The following TRAK1 variants were observed in gnomAD, a reference collection of about 807,000 sequenced individuals.
The protein encoded by TRAK1 is trafficking kinesin-binding protein 1.
In TRAK1, 33 loss-of-function variants were observed where a neutral mutation model predicts 92.1. The ratio of observed to expected loss-of-function variants is 0.36; its 90% CI spans 0.27 to 0.48. The LOEUF (loss-of-function observed/expected upper bound fraction) is 0.48, where lower values mean the gene tolerates loss of function less well. TRAK1 is among the 20% of genes least tolerant of loss of function. The pLI is 0.99. For synonymous variants in TRAK1, 521 were observed against 517.3 expected, an observed-to-expected ratio of 1.01 and a Z score of -0.10; for missense variants, 1,123 against 1,257.9, an observed-to-expected ratio of 0.89 and a Z score of 1.62.
intron 1 of TRAK1, among the ~76,000 whole-genome samples, chr3:42,067,374 C>T (rs548847643): frequency 3.3e-5 from 5 of 152,188 alleles, no homozygotes; most frequent in East Asian, 3.9e-4. Flanking sequence ...TGGCTGTGTC[C>T]GGGCTGAGAT....
intron 2 of TRAK1, among the ~76,000 whole-genome samples, chr3:42,129,839 C>T (rs1696957869): frequency 6.6e-6 from 1 of 152,028 alleles, no homozygotes; most frequent in African/African-American, 2.4e-5. Context: ...CCATCTCTTA[C>T]CCAGTATCTC....
At chr3:42,210,466 C>A in intron 14 of TRAK1, 1 of 1,257,198 alleles carries the variant, frequency 8.0e-7, no homozygotes. Context: ...GCCCTTCTTC[C>A]TGGTCTGGGT....
At chr3:42,182,052 C>A (rs940144492) in intron 3 of TRAK1, among the ~76,000 whole-genome samples, 6 of 151,100 alleles carry the variant, frequency 4.0e-5, no homozygotes, top group Non-Finnish European at 7.4e-5. Flanking sequence ...ATCCTCCTGC[C>A]TTGGCCTTCC....
At chr3:42,177,209 G>A (rs1703341379) in intron 3 of TRAK1, among the ~76,000 whole-genome samples, 1 of 152,214 alleles carries the variant, frequency 6.6e-6, no homozygotes, top group Non-Finnish European at 1.5e-5. Context: ...TCCAAAAAAT[G>A]TCAGAAAAAT....
chr3:42,099,231 C>A (rs989607274), intron 1 of TRAK1, among the ~76,000 whole-genome samples: 1 of 151,916 alleles, frequency 6.6e-6, no homozygotes, highest in Non-Finnish European at 1.5e-5. Flanking sequence ...AGAGGACGGC[C>A]GCCAACCTCT....
intron 1 of TRAK1, among the ~76,000 whole-genome samples, chr3:42,032,464 C>T (rs1325595635): frequency 6.9e-6 from 1 of 144,548 alleles, no homozygotes; most frequent in Admixed American, 6.8e-5. Flanking sequence ...CAAATACACC[C>T]GGAGTGGGTC....
upstream of TRAK1, among the ~76,000 whole-genome samples, chr3:42,086,019 T>A (rs1704653184): frequency 6.6e-6 from 1 of 152,214 alleles, no homozygotes; most frequent in African/African-American, 2.4e-5. Context: ...GACCACACTT[T>A]GAGATCTCTT....
intron 1 of TRAK1, among the ~76,000 whole-genome samples, chr3:42,097,259 A>G (rs183812117): frequency 6.6e-6 from 1 of 152,372 alleles, no homozygotes; most frequent in East Asian, 1.9e-4. Flanking sequence ...AGTATTCTGC[A>G]AATACCACTG....
At chr3:42,053,375 TGG>T (rs760432112) in intron 1 of TRAK1, among the ~76,000 whole-genome samples, 16,126 of 50,734 alleles carry the variant, frequency 0.32, 1,812 homozygotes, top group African/African-American at 0.38. Context: ...CAGAGTCGGG[TGG>T]GGGGGGGGGG....
In TRAK1 at chr3:42,059,656, C is replaced by T. The variant is rs75603031; in HGVS notation, c.-518-27448C>T. ...GTTCTATTAAAAAAATCATCCAACT[C>T]AGAAAGCTTTTTATTTTCCAGAAAA... On this transcript the variant is annotated intron_variant, in intron 1 of 16. Coordinates refer to the TRAK1 transcript ENST00000487159. Among the ~76,000 whole-genome samples, 1,347 of 152,272 alleles carry T rather than the reference C, an allele frequency of 8.8e-3. 54 individuals are homozygous for T. In the East Asian group the frequency reaches 0.14, roughly 15 times the overall value.
intron 2 of TRAK1, among the ~76,000 whole-genome samples, chr3:42,134,087 T>C (rs1404979544): frequency 6.6e-6 from 1 of 152,094 alleles, no homozygotes; most frequent in Non-Finnish European, 1.5e-5. Flanking sequence ...AGAGCCCAGA[T>C]GCCTAGGCAC....
At chr3:42,175,763 A>G (rs527617705) in intron 2 of TRAK1, among the ~76,000 whole-genome samples, 2 of 152,320 alleles carry the variant, frequency 1.3e-5, no homozygotes, top group Admixed American at 1.3e-4. Flanking sequence ...ATACACTTCA[A>G]TTCCCAAATG....
At chr3:42,124,236 C>G (rs1230904364) in intron 1 of TRAK1, among the ~76,000 whole-genome samples, 1 of 152,052 alleles carries the variant, frequency 6.6e-6, no homozygotes, top group Admixed American at 6.5e-5. Context: ...CAAGTTAACT[C>G]TCCTCTCCTG....
intron 13 of TRAK1, among the ~76,000 whole-genome samples, chr3:42,207,276 G>A (rs376199223): frequency 6.6e-6 from 1 of 152,146 alleles, no homozygotes; most frequent in African/African-American, 2.4e-5. Context: ...TTTGTACTGG[G>A]GCCCATTAGG....
chr3:42,014,069 C>T (rs927183273), exon 1 of TRAK1: 1 of 151,820 alleles, frequency 6.6e-6, no homozygotes, highest in African/African-American at 2.4e-5. Flanking sequence ...CACCGAGGCC[C>T]CCCGGCACCG....
intron 2 of TRAK1, among the ~76,000 whole-genome samples, chr3:42,141,651 C>T (rs1365866950): frequency 6.6e-6 from 1 of 152,176 alleles, no homozygotes; most frequent in Admixed American, 6.5e-5. Flanking sequence ...GCCCCTCTTG[C>T]AGTTTCTGGT....
chr3:42,105,887 T>G (rs913582983), intron 1 of TRAK1, among the ~76,000 whole-genome samples: 2 of 152,126 alleles, frequency 1.3e-5, no homozygotes, highest in African/African-American at 4.8e-5. Flanking sequence ...AGAAAAGAAT[T>G]TTCAACCCAG....
At chr3:42,145,438 T>C in intron 2 of TRAK1, among the ~76,000 whole-genome samples, 1 of 151,494 alleles carries the variant, frequency 6.6e-6, no homozygotes, top group East Asian at 1.9e-4. Context: ...TGAGCCAAGA[T>C]TGTGCCACTG....
intron 1 of TRAK1, among the ~76,000 whole-genome samples, chr3:42,032,508 A>T (rs1239683802): frequency 1.3e-5 from 2 of 150,580 alleles, no homozygotes; most frequent in Non-Finnish European, 2.9e-5. Context: ...CATCTTTGCA[A>T]CCTCCAGCCT....
Sources: gnomAD v4.1 joint callset for allele counts (sites outside exome capture counted in the v4.1 genomes callset) on GRCh38, gnomAD v4.1.1 for gene constraint, MANE v1.5 for transcripts, NCBI Gene and HGNC (gene_info 2026-07-23, HGNC 2026-07-21) for gene names.